GFRA2: variants seen among roughly 807,000 people sequenced by gnomAD.
GFRA2 encodes GDNF family receptor alpha-2.
Under a neutral mutation model 48.3 loss-of-function variants are expected in GFRA2, and 17 were observed. The observed-to-expected ratio is 0.35, with a 90% CI of 0.24 to 0.53. GFRA2 has a LOEUF of 0.53. GFRA2 is among the 20% of genes least tolerant of loss of function. GFRA2 has a pLI of 0.93. For missense variants in GFRA2, 660 were observed against 637.3 expected (o/e 1.04, Z -0.38); for synonymous variants, 305 against 257.2 (o/e 1.19, Z -1.78).
At chr8:21,802,546 G>T (rs1807790194) in intron 2 of GFRA2, among the ~76,000 whole-genome samples, 1 of 151,942 alleles carries the variant, frequency 6.6e-6, no homozygotes, top group Non-Finnish European at 1.5e-5. Context: ...ATAGAGATGA[G>T]GTCTCTCTGT....
chr8:21,783,632 C>A (rs986520555), intron 1 of GFRA2, among the ~76,000 whole-genome samples: 1 of 152,062 alleles, frequency 6.6e-6, no homozygotes, highest in Admixed American at 6.5e-5. Flanking sequence ...CCCTTTCCCC[C>A]CTCACCCCTC....
chr8:21,765,989 A>G lies in GFRA2; in HGVS notation c.439+8983T>C, dbSNP rs151326246. 8.5e-5 allele frequency among the ~76,000 whole-genome samples: 13 copies of G among 152,258 alleles called. No homozygotes were observed. In the East Asian group the frequency reaches 2.5e-3, roughly 29 times the overall value. ...CCTGGCTCCACTCTGCTCTGTGCCC[A>G]GCCCCATGATCCATCCTCCACAGTG... On this transcript the variant is annotated intron_variant, in intron 3 of 8. Coordinates refer to ENST00000524240, the MANE Select transcript of GFRA2 (RefSeq NM_001495.5).
At chr8:21,769,925 C>T (rs1272025826) in intron 3 of GFRA2, among the ~76,000 whole-genome samples, 13 of 152,194 alleles carry the variant, frequency 8.5e-5, no homozygotes, top group African/African-American at 2.7e-4. Flanking sequence ...ACATCATTGG[C>T]CCTCTCCAGG....
chr8:21,787,154 G>A (rs1255373404), intron 1 of GFRA2, among the ~76,000 whole-genome samples: 3 of 151,510 alleles, frequency 2.0e-5, no homozygotes, highest in East Asian at 3.9e-4. Flanking sequence ...AAGCAGCTGC[G>A]ATTTCACCTA....
chr8:21,705,588 A>G (rs919842289), intron 5 of GFRA2, among the ~76,000 whole-genome samples: 4 of 152,368 alleles, frequency 2.6e-5, no homozygotes, highest in Admixed American at 2.0e-4. Flanking sequence ...GCACCCCGCT[A>G]GCAAGAGCTG....
At chr8:21,748,548 C>A (rs879897461) in intron 4 of GFRA2, among the ~76,000 whole-genome samples, 47 of 152,320 alleles carry the variant, frequency 3.1e-4, no homozygotes, top group Non-Finnish European at 5.1e-4. Flanking sequence ...CCCACACTCA[C>A]TATCTTAGTC....
chr8:21,809,756 C>T (rs577987945), intron 1 of GFRA2, among the ~76,000 whole-genome samples: 59 of 152,314 alleles, frequency 3.9e-4, no homozygotes, highest in African/African-American at 1.3e-3. Flanking sequence ...CTTGAGTTTG[C>T]AGCCTCTGTT....
At chr8:21,715,901 G>C (rs1400320142) in intron 4 of GFRA2, among the ~76,000 whole-genome samples, 1 of 152,226 alleles carries the variant, frequency 6.6e-6, no homozygotes, top group Non-Finnish European at 1.5e-5. Flanking sequence ...GAACGAGAGA[G>C]AGAGAGACCA....
chr8:21,694,509 C>T lies in GFRA2; in HGVS notation c.1227G>A (p.Gly409=). Residue 409 remains glycine, a synonymous_variant, in exon 8 of 9, where the codon GGG becomes GGA. Transcript: ENST00000524240. The stretch of plus-strand genomic sequence containing the variant: ...ACTCTTTGGAGTTGTTGGCCTTCAG[C>T]CCCTGCTCCTGCGAGAGAGAAGGTG... ...ITTCTSVQEQ[G]LKANNSKELS... 1 of 1,610,974 alleles carries T rather than the reference C, an allele frequency of 6.2e-7. No homozygotes were observed. The highest frequency in any genetic ancestry group is 8.5e-7 in the Non-Finnish European group (1 of 1,178,904).
Position 21,782,767 on chromosome 8 carries a change from C to T in GFRA2, c.173G>A (p.Arg58His). ...GCCTGCCAGGCACTGCCGCAGAGTG[C>T]GGTAGCGAGAGCTGCAGTTGGATTC... ...AAESNCSSRY[R>H]TLRQCLAGRD... is the part of the protein sequence containing the mutation. The change falls in exon 2 of 9, where the codon CGC becomes CAC. Residue 58 changes from arginine (R) to histidine (H), a missense_variant. Physicochemically the swap from Arg to His is conservative, Grantham distance 29. Coordinates refer to ENST00000524240, the MANE Select transcript of GFRA2 (RefSeq NM_001495.5). The T allele has an allele frequency of 1.9e-6, 3 of 1,593,150 alleles. No individual in the cohort carries two copies. The highest frequency in any genetic ancestry group is 8.5e-7 in the Non-Finnish European group (1 of 1,171,870).
At chr8:21,703,963 C>T (rs949756936) in intron 6 of GFRA2, among the ~76,000 whole-genome samples, 5 of 152,250 alleles carry the variant, frequency 3.3e-5, no homozygotes, top group African/African-American at 1.2e-4. Context: ...GCTGACATTC[C>T]TTCAAACACC....
chr8:21,765,100 CTTTT>C (rs1585316019), intron 3 of GFRA2, among the ~76,000 whole-genome samples: 1 of 148,970 alleles, frequency 6.7e-6, no homozygotes, highest in African/African-American at 2.5e-5. Flanking sequence ...CTTTTTCTTT[CTTTT>C]TATTTTTTAT....
At chr8:21,749,669 A>G (rs1208958622) in intron 4 of GFRA2, among the ~76,000 whole-genome samples, 1 of 150,804 alleles carries the variant, frequency 6.6e-6, no homozygotes, top group Non-Finnish European at 1.5e-5. Flanking sequence ...TAAATTGTCT[A>G]AAGTCCCTTT....
chr8:21,792,609 G>A (rs1207242511), upstream of GFRA2, among the ~76,000 whole-genome samples: 1 of 152,238 alleles, frequency 6.6e-6, no homozygotes, highest in Non-Finnish European at 1.5e-5. Flanking sequence ...CACAGTGGGA[G>A]AAAGGAAGAG....
chr8:21,788,371 C>A lies in GFRA2; in HGVS notation c.-212G>T. On this transcript the variant is annotated 5_prime_UTR_variant, in exon 1 of 9. Coordinates refer to ENST00000524240, the MANE Select transcript of GFRA2 (RefSeq NM_001495.5). ...GTGAGAGGCGGGCGATGGGCTGCTG[C>A]CTCTCGACGCCCCCCTTGCCCGCTA... 3 of 1,342,688 alleles carry A rather than the reference C, an allele frequency of 2.2e-6. No homozygotes were observed. Among genetic ancestry groups the A allele is most frequent in the Non-Finnish European group, 2.9e-6 (3 of 1,052,528 alleles). 83.2% of individuals were successfully genotyped at this position (1,342,688 alleles called of 1,614,324 possible). A position where few individuals can be genotyped will look rare whatever the true frequency, so the allele number is the denominator to read the frequency against.
At chr8:21,779,357 T>C (rs1000207910) in intron 2 of GFRA2, among the ~76,000 whole-genome samples, 2 of 152,114 alleles carry the variant, frequency 1.3e-5, no homozygotes, top group Non-Finnish European at 2.9e-5. Flanking sequence ...CCTGATGCAG[T>C]GATACAGAGG....
At chr8:21,717,304 G>C (rs1803380988) in intron 4 of GFRA2, among the ~76,000 whole-genome samples, 1 of 152,194 alleles carries the variant, frequency 6.6e-6, no homozygotes, top group Non-Finnish European at 1.5e-5. Flanking sequence ...ACCAGGGAAA[G>C]CTACATTGCT....
intron 2 of GFRA2, among the ~76,000 whole-genome samples, chr8:21,795,371 C>T (rs2086236): frequency 0.13 from 18,927 of 144,830 alleles, 1,441 homozygotes; most frequent in African/African-American, 0.24. Flanking sequence ...TTTCTTTTTT[C>T]TTTTTTCTTT....
At chr8:21,739,179 C>T (rs1056528521) in intron 4 of GFRA2, among the ~76,000 whole-genome samples, 2 of 152,154 alleles carry the variant, frequency 1.3e-5, no homozygotes, top group African/African-American at 4.8e-5. Flanking sequence ...AAATTTCCCT[C>T]TCCCTCTATA....
Sources: gnomAD v4.1 joint callset for allele counts (sites outside exome capture counted in the v4.1 genomes callset) on GRCh38, gnomAD v4.1.1 for gene constraint, MANE v1.5 for transcripts, NCBI Gene and HGNC (gene_info 2026-07-23, HGNC 2026-07-21) for gene names.